Variants in ALPK2 observed in about 807,000 individuals in gnomAD.
The protein encoded by ALPK2 is alpha kinase 2.
Under a neutral mutation model 163.1 loss-of-function variants are expected in ALPK2, and 127 were observed. That is an observed-to-expected ratio of 0.78 (90% confidence interval 0.67 to 0.90). The LOEUF is 0.90. ALPK2 is among the 40% of genes least tolerant of loss of function. The pLI is 0.00. For synonymous variants in ALPK2, 953 were observed against 959.1 expected, an observed-to-expected ratio of 0.99 and a Z score of 0.12; for missense variants, 2,360 against 2,589.6, an observed-to-expected ratio of 0.91 and a Z score of 1.92.
At chr18:58,615,304 G>A (rs1250476416) in intron 1 of ALPK2, among the ~76,000 whole-genome samples, 3 of 152,008 alleles carry the variant, frequency 2.0e-5, no homozygotes, top group African/African-American at 7.3e-5. Flanking sequence ...CTCAAATGGA[G>A]GGGGACAGTG....
intron 2 of ALPK2, among the ~76,000 whole-genome samples, chr18:58,607,706 C>T (rs779511467): frequency 3.9e-5 from 6 of 152,108 alleles, no homozygotes; most frequent in Non-Finnish European, 5.9e-5. Flanking sequence ...CTAATCTCAA[C>T]GTGCTATTAA....
intron 10 of ALPK2, 83 bp downstream of exon 10, chr18:58,514,910 C>T (rs1308634462): frequency 1.5e-5 from 15 of 1,012,566 alleles, no homozygotes; most frequent in Non-Finnish European, 2.2e-5. Flanking sequence ...AAACACTTGC[C>T]CTACTGTTCC....
chr18:58,605,382 C>T (rs1463999344), intron 3 of ALPK2, among the ~76,000 whole-genome samples: 1 of 152,146 alleles, frequency 6.6e-6, no homozygotes, highest in African/African-American at 2.4e-5. Context: ...GATAAACCAA[C>T]CACAAAAACA....
At chr18:58,555,508 C>A (rs995035171) in intron 4 of ALPK2, among the ~76,000 whole-genome samples, 1 of 152,206 alleles carries the variant, frequency 6.6e-6, no homozygotes. Context: ...GGAAAGAATT[C>A]TCATGTCTGA....
At chr18:58,613,973 A>G (rs1201364539) in intron 1 of ALPK2, among the ~76,000 whole-genome samples, 1 of 152,152 alleles carries the variant, frequency 6.6e-6, no homozygotes, top group East Asian at 1.9e-4. Flanking sequence ...ATTTCCCAAA[A>G]AGTGTTCCCA....
chr18:58,582,626 C>T (rs1314658656), intron 3 of ALPK2, among the ~76,000 whole-genome samples: 2 of 151,768 alleles, frequency 1.3e-5, no homozygotes, highest in Non-Finnish European at 2.9e-5. Flanking sequence ...TATGAGTGAC[C>T]ATGGCTGGGG....
chr18:58,579,824 A>C lies in ALPK2; in HGVS notation c.952T>G (p.Tyr318Asp). The C allele has an allele frequency of 4.3e-6, 7 of 1,614,178 alleles. No individual in the cohort carries two copies. Among genetic ancestry groups the C allele is most frequent in the Non-Finnish European group, 5.9e-6 (7 of 1,180,018 alleles). ...TCATCATCTGAAAACTCCTCGGTGTAGGTTAGGGTTATCTCTGGGCAAAGT... is the reference window on the plus strand; with the variant it reads ...TCATCATCTGAAAACTCCTCGGTGTCGGTTAGGGTTATCTCTGGGCAAAGT... Reference protein sequence around the residue: ...YELCPEITLTYTEEFSDDDLE... With the variant: ...YELCPEITLTDTEEFSDDDLE... The change falls in exon 4 of 13, where the codon TAC (tyrosine) becomes GAC (aspartate). Residue 318 changes from tyrosine to aspartate, a missense_variant. Transcript: ENST00000361673.
chr18:58,597,387 C>T (rs905786084), intron 3 of ALPK2, among the ~76,000 whole-genome samples: 2 of 152,172 alleles, frequency 1.3e-5, no homozygotes, highest in African/African-American at 4.8e-5. Context: ...TGTTGAGTAC[C>T]AGCACTGTTC....
intron 3 of ALPK2, among the ~76,000 whole-genome samples, chr18:58,591,719 G>A (rs1290004202): frequency 6.6e-6 from 1 of 152,168 alleles, no homozygotes; most frequent in Non-Finnish European, 1.5e-5. Flanking sequence ...GGCCCTCCCA[G>A]GAAACAATAA....
chr18:58,521,046 T>G (rs962980023), intron 8 of ALPK2, among the ~76,000 whole-genome samples: 4 of 152,306 alleles, frequency 2.6e-5, no homozygotes, highest in African/African-American at 7.2e-5. Context: ...ATTTTCAGCT[T>G]CTTTATCTGA....
chr18:58,481,765 A>G lies in ALPK2; in HGVS notation c.*58T>C, dbSNP rs2051312322. On this transcript the variant is annotated 3_prime_UTR_variant, in exon 13 of 13. Coordinates refer to ENST00000361673, the MANE Select transcript of ALPK2 (RefSeq NM_052947.4). ...TATATTCTCTCCTGTGTGGCCTCAG[A>G]TTTTCCCTGGCGAGATTGTGTGCTG... is the stretch of plus-strand genomic sequence containing the variant. The G allele has an allele frequency of 7.0e-7, 1 of 1,434,874 alleles. No individual in the cohort carries two copies. The highest frequency in any genetic ancestry group is 9.8e-7 in the Non-Finnish European group (1 of 1,022,430). 88.9% of individuals were successfully genotyped at this position (1,434,874 alleles called of 1,614,324 possible).
chr18:58,536,468 G>A lies in ALPK2; in HGVS notation c.3719C>T (p.Thr1240Ile). The A allele has an allele frequency of 6.2e-7, 1 of 1,614,054 alleles. No homozygotes were observed. The highest frequency in any genetic ancestry group is 8.5e-7 in the Non-Finnish European group (1 of 1,180,026). ...WEAGNKLKIITLEASASEIWP... is the reference protein window; with the variant it reads ...WEAGNKLKIIILEASASEIWP... ...GATTTCAGAAGCGGAAGCCTCTAGAGTTATAATCTTCAGCTTGTTGCCTGC... is the reference window on the plus strand; with the variant it reads ...GATTTCAGAAGCGGAAGCCTCTAGAATTATAATCTTCAGCTTGTTGCCTGC... The change falls in exon 5 of 13, where the codon ACT (threonine) becomes ATT (isoleucine). Residue 1240 changes from threonine to isoleucine, a missense_variant. Coordinates refer to ENST00000361673, the MANE Select transcript of ALPK2 (RefSeq NM_052947.4).
At chr18:58,617,698 G>A (rs2052177545) in intron 1 of ALPK2, among the ~76,000 whole-genome samples, 2 of 152,116 alleles carry the variant, frequency 1.3e-5, no homozygotes, top group Non-Finnish European at 2.9e-5. Context: ...TGATAATTTT[G>A]TTGTATGTAT....
intron 12 of ALPK2, among the ~76,000 whole-genome samples, chr18:58,490,314 A>G (rs2051366876): frequency 6.6e-6 from 1 of 152,230 alleles, no homozygotes; most frequent in Non-Finnish European, 1.5e-5. Flanking sequence ...TCAGCAACTT[A>G]TCTGAACAAA....
chr18:58,552,193 G>T (rs1442971248), intron 4 of ALPK2, among the ~76,000 whole-genome samples: 9 of 152,154 alleles, frequency 5.9e-5, no homozygotes, highest in Admixed American at 2.0e-4. Context: ...TACAGAATTT[G>T]CAATTTTACC....
intron 1 of ALPK2, among the ~76,000 whole-genome samples, chr18:58,623,178 CCAGT>C (rs1040858974): frequency 2.1e-4 from 32 of 152,264 alleles, no homozygotes; most frequent in Middle Eastern, 6.8e-3. Flanking sequence ...TTCAACCCAG[CCAGT>C]CAGAGTGTCT....
chr18:58,482,012 G>T lies in ALPK2; in HGVS notation c.6324C>A (p.Ser2108=). The stretch of plus-strand genomic sequence containing the variant: ...CTTTAAACTGATCAATGAAGGTCAT[G>T]GAACAGTTGCCTTTAAATCCCTTGT... ...KGYKGFKGNC[S]MTFIDQFKAL... Residue 2108 remains serine, a synonymous_variant, in exon 13 of 13, where the codon TCC becomes TCA. Transcript: ENST00000361673. 1 of 1,614,094 alleles carries T rather than the reference G, an allele frequency of 6.2e-7. No homozygotes were observed.
At chr18:58,484,566 A>G (rs1274538590) in intron 12 of ALPK2, among the ~76,000 whole-genome samples, 1 of 152,160 alleles carries the variant, frequency 6.6e-6, no homozygotes, top group Non-Finnish European at 1.5e-5. Flanking sequence ...CAACATGGTA[A>G]AACCCCAACT....
Position 58,536,398 on chromosome 18 carries a change from G to A in ALPK2, c.3789C>T (p.Asp1263=), listed in dbSNP as rs76266246. ...QLTNSESKAS[D]GGLIIPDKVW... is the part of the protein sequence containing the mutation. ...CCTTGTCAGGAATTATGAGACCACC[G>A]TCTGATGCCTTGCTCTCAGAATTTG... The change falls in exon 5 of 13, where the codon GAC becomes GAT. Residue 1263 remains aspartate, a synonymous_variant. Coordinates refer to ENST00000361673, the MANE Select transcript of ALPK2 (RefSeq NM_052947.4). The A allele has an allele frequency of 3.6e-5, 58 of 1,614,064 alleles. No individual in the cohort carries two copies. The highest frequency in any genetic ancestry group is 6.7e-5 in the East Asian group (3 of 44,904).
Sources: allele counts gnomAD v4.1 joint callset (sites outside exome capture counted in the v4.1 genomes callset), GRCh38; gene constraint gnomAD v4.1.1; transcripts MANE v1.5; gene names NCBI Gene and HGNC (gene_info 2026-07-23, HGNC 2026-07-21).